Variants in USP42 observed in about 807,000 individuals in gnomAD.
USP42 encodes ubiquitin specific peptidase 42, also known as ubiquitin carboxyl-terminal hydrolase 42.
Under a neutral mutation model 113.0 loss-of-function variants are expected in USP42, and 23 were observed. The observed-to-expected ratio is 0.20, with a 90% CI of 0.15 to 0.29. The LOEUF is 0.29. Among genes scored for constraint, USP42 ranks in the 10% least tolerant of loss-of-function variants. The pLI is 1.00. For synonymous variants in USP42, 933 were observed against 699.0 expected, an observed-to-expected ratio of 1.33 and a Z score of -5.28; for missense variants, 2,174 against 1,779.8, an observed-to-expected ratio of 1.22 and a Z score of -3.99.
chr7:6,145,729 G>A (rs1211958279), intron 10 of USP42, 73 bp downstream of exon 10: 8 of 1,499,322 alleles, frequency 5.3e-6, no homozygotes, highest in South Asian at 1.2e-5. Context: ...TCTTGGGGTA[G>A]GGAGAGGTGG....
At chr7:6,115,179 A>G (rs1181272837) in intron 2 of USP42, 144 bp from the exon 3 acceptor site, 1 of 748,338 alleles carries the variant, frequency 1.3e-6, no homozygotes, top group Admixed American at 2.8e-5. Context: ...GTCTTTTAAA[A>G]TGTCCCTCTT....
At chr7:6,148,087 C>CA (rs1781825223) in intron 12 of USP42, among the ~76,000 whole-genome samples, 195 bp downstream of exon 12, 1 of 152,156 alleles carries the variant, frequency 6.6e-6, no homozygotes, top group Admixed American at 6.5e-5. Context: ...CTTGTAATCC[C>CA]AGCACTTTGG....
At position 6,158,637 on chromosome 7, in the gene USP42, C is replaced by T. The variant is rs1782600858; in HGVS notation, c.3944-813C>T. On this transcript the variant is annotated intron_variant, in intron 16 of 17. Transcript: ENST00000306177. This position sits in a 1 kb window ranked among gnomAD's most constrained non-coding sequence, Gnocchi z 4.2. ...GGAAACAGCCGGAGATGAGGACAGGCACCAGCACTGCCGGTGAGGACGGGT... is the reference window on the plus strand; with the variant it reads ...GGAAACAGCCGGAGATGAGGACAGGTACCAGCACTGCCGGTGAGGACGGGT... 1.3e-5 allele frequency among the ~76,000 whole-genome samples: 2 copies of T among 152,234 alleles called. No homozygotes were observed. Among genetic ancestry groups the T allele is most frequent in the African/African-American group, 4.8e-5 (2 of 41,478 alleles).
At chr7:6,091,680 T>TACACACACACACAC in the USP42 span, among the ~76,000 whole-genome samples, 20,496 of 135,760 alleles carry the variant, frequency 0.15, 1,958 homozygotes, top group Middle Eastern at 0.22. Flanking sequence ...TATGTTAGCA[T>TACACACACACACAC]ACACACACAC....
chr7:6,089,023 A>ATATTTATTTATT, the USP42 span: 30 of 147,866 alleles, frequency 2.0e-4, 2 homozygotes, highest in African/African-American at 7.2e-4. Flanking sequence ...TTTCTTTTCT[A>ATATTTATTTATT]TATTTATTTA....
intron 7 of USP42, among the ~76,000 whole-genome samples, chr7:6,142,511 C>T (rs567437091): frequency 5.3e-5 from 8 of 152,270 alleles, no homozygotes; most frequent in South Asian, 2.1e-4. Flanking sequence ...CCACCACGCC[C>T]GCCCGGAAAA....
chr7:6,084,376 GT>G, the USP42 span: 1 of 151,292 alleles, frequency 6.6e-6, no homozygotes, highest in Non-Finnish European at 1.5e-5. Flanking sequence ...TTTAGTCCTT[GT>G]TGGTATCAAT....
At position 6,153,760 on chromosome 7, in the gene USP42, C is replaced by T. The variant is rs1332670013; in HGVS notation, c.2206C>T (p.Pro736Ser). The change falls in exon 15 of 18, where the codon CCT becomes TCT. Residue 736 changes from proline (P) to serine (S), a missense_variant. By Grantham distance (74) the Pro-to-Ser change is moderately conservative. Transcript: ENST00000306177. The part of the protein sequence containing the change: ...LKGSTDEMSA[P>S]GAERGPPEDR... ...TTGTTTGTTTGGGGGCTGCAGTGCA[C>T]CTGGAGCAGAGAGGGGCCCTCCCGA... The T allele has an allele frequency of 1.4e-6, 2 of 1,462,214 alleles. No homozygotes were observed. Among genetic ancestry groups the T allele is most frequent in the East Asian group, 2.6e-5 (1 of 38,702 alleles). The allele number at this position is 1,462,214 out of a possible 1,614,324, so 90.6% of individuals were successfully genotyped here.
At chr7:6,111,521 T>C in intron 2 of USP42, 147 bp downstream of exon 2, 1 of 909,668 alleles carries the variant, frequency 1.1e-6, no homozygotes, top group Non-Finnish European at 1.6e-6. Context: ...GGGCTTTGTT[T>C]TCCTGTTACT....
At chr7:6,092,044 CTT>C in the USP42 span, among the ~76,000 whole-genome samples, 162 of 87,222 alleles carry the variant, frequency 1.9e-3, 2 homozygotes, top group African/African-American at 5.6e-3. Context: ...TCTTCTTCTT[CTT>C]CTTCTTCTTT....
At chr7:6,106,151 T>C (rs1267570382) in intron 1 of USP42, among the ~76,000 whole-genome samples, 1 of 152,266 alleles carries the variant, frequency 6.6e-6, no homozygotes, top group African/African-American at 2.4e-5. Context: ...CTTTCTCTTC[T>C]GTATCTTTGA....
Position 6,144,132 on chromosome 7 carries a change from C to A in USP42, c.926C>A (p.Ser309Tyr). ...PASKRFTIHR[S>Y]SNVLTLSLKR... ...TCAAAGAGGTTCACTATCCATAGAT[C>A]CTCTAATGTTCTTACACTTTCTCTG... is the stretch of plus-strand genomic sequence containing the variant. Residue 309 changes from serine to tyrosine, a missense_variant, in exon 9 of 18, where the codon TCC becomes TAC. Coordinates refer to ENST00000306177, the MANE Select transcript of USP42 (RefSeq NM_032172.3). The A allele has an allele frequency of 6.3e-7, 1 of 1,592,316 alleles. No individual in the cohort carries two copies. The highest frequency in any genetic ancestry group is 8.5e-7 in the Non-Finnish European group (1 of 1,173,404).
upstream of USP42, among the ~76,000 whole-genome samples, chr7:6,101,285 C>T (rs1468793610): frequency 1.3e-5 from 2 of 151,038 alleles, no homozygotes; most frequent in African/African-American, 2.5e-5. Flanking sequence ...TGCAGGCTCC[C>T]TAAGTCTGGA....
intron 1 of USP42, among the ~76,000 whole-genome samples, chr7:6,110,314 C>T (rs1008018163): frequency 6.6e-6 from 1 of 152,116 alleles, no homozygotes; most frequent in Non-Finnish European, 1.5e-5. Context: ...TTTATAGGCC[C>T]TGGGGATTCT....
intron 3 of USP42, among the ~76,000 whole-genome samples, chr7:6,118,064 C>T (rs890316120): frequency 6.6e-6 from 1 of 151,084 alleles, no homozygotes; most frequent in African/African-American, 2.4e-5. Flanking sequence ...AATTTCATTT[C>T]TTTTTTTTTC....
At chr7:6,133,062 T>C (rs555791081) in intron 3 of USP42, among the ~76,000 whole-genome samples, 41 of 152,356 alleles carry the variant, frequency 2.7e-4, no homozygotes, top group African/African-American at 9.6e-4. Flanking sequence ...TTTCTACTCC[T>C]GGAATTTGTT....
In USP42 at chr7:6,123,762, C is replaced by A. The variant is rs1043094191; in HGVS notation, c.442+8239C>A. Among the ~76,000 whole-genome samples the A allele has an allele frequency of 8.8e-5, 13 of 147,526 alleles. 1 individual carries two copies. The highest frequency in any genetic ancestry group is 8.1e-4 in the Admixed American group (12 of 14,750). ...ACTCGGGAGGCCGAGGTAGGAGAAT[C>A]ACTTGAGCCAGGGAGTTGAAGGATT... On this transcript the variant is annotated intron_variant, in intron 3 of 17. Coordinates refer to ENST00000306177, the MANE Select transcript of USP42 (RefSeq NM_032172.3).
chr7:6,095,187 T>G, the USP42 span, among the ~76,000 whole-genome samples: 1 of 151,188 alleles, frequency 6.6e-6, no homozygotes, highest in Non-Finnish European at 1.5e-5. Context: ...AACCAGGGAA[T>G]TGACCACTGT....
chr7:6,132,962 C>T (rs954210951), intron 3 of USP42, among the ~76,000 whole-genome samples: 27 of 152,304 alleles, frequency 1.8e-4, no homozygotes, highest in Admixed American at 4.6e-4. Flanking sequence ...TGAGCCACTG[C>T]GCCCGGCCCA....
Sources: gnomAD v4.1 joint callset for allele counts (sites outside exome capture counted in the v4.1 genomes callset) on GRCh38, gnomAD v4.1.1 for gene constraint, Gnocchi (gnomAD v3.1) non-coding constraint, MANE v1.5 for transcripts, NCBI Gene and HGNC (gene_info 2026-07-23, HGNC 2026-07-21) for gene names.